The following LHX6 variants were observed in gnomAD, a reference collection of about 807,000 sequenced individuals.
LHX6 encodes LIM/homeobox protein Lhx6.
LHX6 carries 15 observed loss-of-function variants against 47.1 expected under a neutral mutation model. The observed-to-expected ratio is 0.32, with a 90% confidence interval of 0.21 to 0.49. LHX6 has a LOEUF of 0.49. Ranked by LOEUF, LHX6 falls within the 20% of genes least tolerant of loss-of-function variation. LHX6 has a pLI of 0.99. For missense variants in LHX6, 404 were observed against 539.6 expected (o/e 0.75, Z 2.49); for synonymous variants, 242 against 233.5 (o/e 1.04, Z -0.33).
At chr9:122,206,818 T>G (rs1468802436) in intron 9 of LHX6, among the ~76,000 whole-genome samples, 1 of 152,084 alleles carries the variant, frequency 6.6e-6, no homozygotes, top group Non-Finnish European at 1.5e-5. Context: ...CTCTCCCCAC[T>G]TCCCTGGACC....
chr9:122,218,109 C>T (rs189084654), intron 4 of LHX6, among the ~76,000 whole-genome samples: 15 of 152,350 alleles, frequency 9.8e-5, no homozygotes, highest in South Asian at 2.1e-4. Context: ...TTCTCCTTCT[C>T]CCTTCTGGTT....
intron 1 of LHX6, 142 bp from the exon 2 acceptor site, chr9:122,227,622 C>G: frequency 1.5e-6 from 2 of 1,356,980 alleles, no homozygotes; most frequent in Non-Finnish European, 1.9e-6. Context: ...ATTTAAAGCC[C>G]TTCCCCACAA....
In LHX6 at chr9:122,203,560, T is replaced by G. The variant is rs1830059709; in HGVS notation, c.*1200A>C. On this transcript the variant is annotated 3_prime_UTR_variant, in exon 10 of 10. Coordinates refer to ENST00000394319, the MANE Select transcript of LHX6 (RefSeq NM_014368.5). ...ACATAAATCATGGTCGTGTGTAGCC[T>G]GAGCCCTTTTGTTTGGGGTGGAAGA... is the stretch of plus-strand genomic sequence containing the variant. The G allele has an allele frequency of 6.5e-6, 1 of 152,672 alleles. No homozygotes were observed. Among genetic ancestry groups the G allele is most frequent in the Non-Finnish European group, 1.5e-5 (1 of 68,060 alleles). 9.5% of individuals were successfully genotyped at this position (152,672 alleles called of 1,614,324 possible). A position where few individuals can be genotyped will look rare whatever the true frequency, so the allele number is the denominator to read the frequency against.
At chr9:122,225,854 G>A (rs188430896) in intron 4 of LHX6, among the ~76,000 whole-genome samples, 2 of 152,342 alleles carry the variant, frequency 1.3e-5, no homozygotes, top group Admixed American at 1.3e-4. Context: ...CTTTGGGCTG[G>A]ACCAGACTCG....
At position 122,204,685 on chromosome 9, in the gene LHX6, G is replaced by A; in HGVS notation, c.*75C>T. 1 of 1,576,720 alleles carries A rather than the reference G, an allele frequency of 6.3e-7. No homozygotes were observed. The highest frequency in any genetic ancestry group is 1.2e-5 in the South Asian group (1 of 85,740). On this transcript the variant is annotated 3_prime_UTR_variant, in exon 10 of 10. Transcript: ENST00000394319. ...GGAGGTGGGTGGACTCCTGGCCGCA[G>A]CTTGGACACTGGATCTCAGCGGCTG...
intron 1 of LHX6, chr9:122,228,316 G>A (rs1831195344): frequency 2.6e-6 from 4 of 1,534,762 alleles, no homozygotes; most frequent in South Asian, 2.4e-5. Context: ...CCGGCCCCGC[G>A]TCGGGATTCT....
In LHX6 at chr9:122,219,059, G is replaced by A. The variant is rs559619140; in HGVS notation, c.462-1771C>T. On this transcript the variant is annotated intron_variant, in intron 4 of 9. Transcript: ENST00000394319. Reference sequence around the variant, plus strand: ...CCCCAGGGCGGGCACCCCTCCACCCGGGGGAGCATTCGGAATCGCTTGTGT... The same window carrying A: ...CCCCAGGGCGGGCACCCCTCCACCCAGGGGAGCATTCGGAATCGCTTGTGT... Among the ~76,000 whole-genome samples the A allele has an allele frequency of 1.3e-3, 201 of 152,306 alleles. 1 individual carries two copies. The highest frequency in any genetic ancestry group is 4.3e-3 in the African/African-American group (180 of 41,576).
chr9:122,202,687 CAAA>C lies in LHX6; in HGVS notation c.*2070_*2072del, dbSNP rs1175762375. 2 of 152,506 alleles carry C rather than the reference CAAA, an allele frequency of 1.3e-5. No homozygotes were observed. The highest frequency in any genetic ancestry group is 6.6e-5 in the Admixed American group (1 of 15,264). 9.4% of individuals were successfully genotyped at this position (152,506 alleles called of 1,614,324 possible). A position where few individuals can be genotyped will look rare whatever the true frequency, so the allele number is the denominator to read the frequency against. On this transcript the variant is annotated 3_prime_UTR_variant, in exon 10 of 10. Transcript: ENST00000394319. ...TGTAACAAAACAGACATTGGTTTTA[CAAA>C]AAAAGTGCTTACAATTTTTTTTCCG...
Position 122,215,534 on chromosome 9 carries a change from A to T in LHX6, c.683-1151T>A, listed in dbSNP as rs562839621. Among the ~76,000 whole-genome samples the T allele has an allele frequency of 3.2e-4, 48 of 152,296 alleles. 2 individuals are homozygous for T. The South Asian group carries it at 9.5e-3, about 30-fold the overall frequency. On this transcript the variant is annotated intron_variant, in intron 5 of 9. Transcript: ENST00000394319. ...CTAGGATGTAATTGGCAAGGTTGTA[A>T]CTACAGGTGGTCCTGGTTGGACCAT...
rs771098566 is a variant in LHX6, at chr9:122,227,495, G to T, written c.85-15C>A. The T allele has an allele frequency of 4.1e-6, 6 of 1,468,132 alleles. No individual in the cohort carries two copies. The South Asian group carries it at 4.9e-5, about 12-fold the overall frequency. The allele number at this position is 1,468,132 out of a possible 1,614,324, so 90.9% of individuals were successfully genotyped here. A position where few individuals can be genotyped will look rare whatever the true frequency, so the allele number is the denominator to read the frequency against. On this transcript the variant is annotated splice_polypyrimidine_tract_variant and intron_variant, in intron 1 of 9. Transcript: ENST00000394319. ...TGGGCCATCACCTGGGGGAGGGGGGGAGGGAACGCAGGCGGCGGCGGCTGC... is the reference window on the plus strand; with the variant it reads ...TGGGCCATCACCTGGGGGAGGGGGGTAGGGAACGCAGGCGGCGGCGGCTGC...
intron 4 of LHX6, among the ~76,000 whole-genome samples, chr9:122,222,302 G>C (rs984398230): frequency 1.3e-5 from 2 of 152,318 alleles, no homozygotes; most frequent in East Asian, 3.9e-4. Flanking sequence ...CCGGAAAGGA[G>C]CACTATTCTT....
intron 4 of LHX6, among the ~76,000 whole-genome samples, chr9:122,224,371 G>A (rs1460951642): frequency 1.3e-5 from 2 of 152,132 alleles, no homozygotes. Flanking sequence ...AGAGCAGGGA[G>A]GTGGCTAGAC....
At chr9:122,223,146 C>G (rs1261207269) in intron 4 of LHX6, among the ~76,000 whole-genome samples, 3 of 152,138 alleles carry the variant, frequency 2.0e-5, no homozygotes, top group Non-Finnish European at 2.9e-5. Flanking sequence ...TTTTCTTTCC[C>G]TTTTTGTGGG....
chr9:122,217,075 G>C lies in LHX6; in HGVS notation c.675C>G (p.Ala225=), dbSNP rs752726361. ...DTMIENLKRA[A]ENGNGLTLEG... is the part of the protein sequence containing the mutation. ...GCGGAGCAGGTTGGGTACCGTTCTC[G>C]GCGGCCCTCTTGAGGTTCTCAATCA... Residue 225 remains alanine (A), a synonymous_variant, in exon 5 of 10, where the codon GCC becomes GCG. Coordinates refer to ENST00000394319, the MANE Select transcript of LHX6 (RefSeq NM_014368.5). This position sits in a 1 kb window ranked among gnomAD's most constrained non-coding sequence, Gnocchi z 4.9. The C allele has an allele frequency of 1.2e-6, 2 of 1,614,018 alleles. No individual in the cohort carries two copies. The highest frequency in any genetic ancestry group is 1.7e-6 in the Non-Finnish European group (2 of 1,179,882).
At chr9:122,220,772 G>A (rs536462263) in intron 4 of LHX6, among the ~76,000 whole-genome samples, 1 of 152,328 alleles carries the variant, frequency 6.6e-6, no homozygotes, top group South Asian at 2.1e-4. Context: ...TGGGCGTCGC[G>A]CACCGCAGTG....
chr9:122,205,376 G>A (rs1159702792), intron 9 of LHX6, among the ~76,000 whole-genome samples: 1 of 152,228 alleles, frequency 6.6e-6, no homozygotes, highest in Non-Finnish European at 1.5e-5. Flanking sequence ...AAGCCTAGAA[G>A]TGCGTGGCTC....
chr9:122,221,787 G>T (rs1483879557), intron 4 of LHX6: 1 of 947,322 alleles, frequency 1.1e-6, no homozygotes. Context: ...GGACTCTTTG[G>T]ATCAGCAGAG....
At chr9:122,228,435 C>T (rs2118925768) in intron 1 of LHX6, 1 of 1,455,728 alleles carries the variant, frequency 6.9e-7, no homozygotes, top group African/African-American at 1.5e-5. Context: ...TACTAAATCG[C>T]TTTTTGAGAA....
chr9:122,223,587 C>A (rs567459740), intron 4 of LHX6, among the ~76,000 whole-genome samples: 9 of 152,120 alleles, frequency 5.9e-5, no homozygotes, highest in African/African-American at 1.7e-4. Context: ...AACTAAGGGC[C>A]GAGAGAAGCA....
Sources: gnomAD v4.1 joint callset for allele counts (sites outside exome capture counted in the v4.1 genomes callset) on GRCh38, gnomAD v4.1.1 for gene constraint, Gnocchi (gnomAD v3.1) non-coding constraint, MANE v1.5 for transcripts, NCBI Gene and HGNC (gene_info 2026-07-23, HGNC 2026-07-21) for gene names.